The following TRIML1 variants were observed in gnomAD, a reference collection of about 807,000 sequenced individuals.
TRIML1 encodes the protein probable E3 ubiquitin-protein ligase TRIML1.
In TRIML1, 34 loss-of-function variants were observed where a neutral mutation model predicts 32.3. That is an observed-to-expected ratio of 1.05 (90% CI 0.80 to 1.40). The LOEUF is 1.40. TRIML1 is among the 40% of genes most tolerant of loss of function. The pLI is 0.00. For missense variants in TRIML1, 595 were observed against 574.9 expected, an observed-to-expected ratio of 1.03 and a Z score of -0.36; for synonymous variants, 244 against 226.6, an observed-to-expected ratio of 1.08 and a Z score of -0.69.
At chr4:188,137,351 G>A (rs1396781731), upstream of TRIML1, among the ~76,000 whole-genome samples, 2 of 136,586 alleles carry the variant, frequency 1.5e-5, no homozygotes, top group Non-Finnish European at 1.5e-5. Context: ...CTCCCAAGCT[G>A]GAGTGCAGTG....
intron 2 of TRIML1, 32 bp from the exon 3 acceptor site, chr4:188,142,220 G>A (rs1307528795): frequency 1.2e-5 from 13 of 1,074,478 alleles, no homozygotes; most frequent in African/African-American, 2.0e-5. Flanking sequence ...GTGTGTGTGT[G>A]TGTGTGTGTG....
rs764178121 is a variant in TRIML1 at position 188,139,919 on chromosome 4, G to A, written c.361G>A (p.Gly121Ser). The change falls in exon 1 of 6, where the codon GGT becomes AGT. Residue 121 changes from glycine (G) to serine (S), a missense_variant. Physicochemically the swap from Gly to Ser is moderately conservative, Grantham distance 56. Coordinates refer to ENST00000332517, the MANE Select transcript of TRIML1 (RefSeq NM_178556.5). ...GGSAFVAQSHGANRVHLSSEA... is the reference protein window; with the variant it reads ...GGSAFVAQSHSANRVHLSSEA... ...AAGCGCCTTCGTAGCCCAGAGCCAT[G>A]GTGCAAACAGAGTGCATCTCTCCAG... The A allele has an allele frequency of 5.6e-6, 9 of 1,613,528 alleles. No individual in the cohort carries two copies. The East Asian group carries it at 1.8e-4, about 32-fold the overall frequency.
At chr4:188,144,850 A>T (rs1735011128) in intron 5 of TRIML1, among the ~76,000 whole-genome samples, 2 of 152,098 alleles carry the variant, frequency 1.3e-5, no homozygotes, top group African/African-American at 4.8e-5. Context: ...AATGCTCCAG[A>T]TGTTTAGTCC....
chr4:188,143,511 T>G, intron 3 of TRIML1: 1 of 362,624 alleles, frequency 2.8e-6, no homozygotes. Flanking sequence ...CACCAGCCCA[T>G]TTTCCTTTGT....
Position 188,139,742 on chromosome 4 carries a change from G to A in TRIML1, c.184G>A (p.Gly62Ser). 1 of 1,613,914 alleles carries A rather than the reference G, an allele frequency of 6.2e-7. No homozygotes were observed. Among genetic ancestry groups the A allele is most frequent in the Admixed American group, 1.7e-5 (1 of 60,012 alleles). ...SCPECWRTLE[G>S]PHFQSNERLG... Reference sequence around the variant, plus strand: ...TCCTGAGTGCTGGAGGACCTTGGAGGGCCCGCATTTCCAGTCAAACGAGCG... The same window carrying A: ...TCCTGAGTGCTGGAGGACCTTGGAGAGCCCGCATTTCCAGTCAAACGAGCG... Residue 62 changes from glycine (G) to serine (S), a missense_variant, in exon 1 of 6, where the codon GGC becomes AGC. By Grantham distance (56) the Gly-to-Ser change is moderately conservative. Transcript: ENST00000332517.
chr4:188,149,744 G>C (rs1398247613), downstream of TRIML1, among the ~76,000 whole-genome samples: 2 of 152,050 alleles, frequency 1.3e-5, no homozygotes, highest in East Asian at 3.9e-4. Flanking sequence ...ACTTGCAGAG[G>C]GGAGCCCAGC....
Position 188,140,613 on chromosome 4 carries a change from A to C in TRIML1, c.494A>C (p.Lys165Thr). The C allele has an allele frequency of 6.2e-7, 1 of 1,613,428 alleles. No individual in the cohort carries two copies. The highest frequency in any genetic ancestry group is 8.5e-7 in the Non-Finnish European group (1 of 1,179,382). Residue 165 changes from lysine (K) to threonine (T), a missense_variant, in exon 2 of 6, where the codon AAA becomes ACA. Lys to Thr is a moderately conservative substitution (Grantham distance 78). Coordinates refer to ENST00000332517, the MANE Select transcript of TRIML1 (RefSeq NM_178556.5). ...CTAACCCATGAGAAGGAGAGAGTGA[A>C]ACTGTGCCAGGTCGGTGTCTGTCTG... is the stretch of plus-strand genomic sequence containing the variant. ...AVLTHEKERV[K>T]LCQEETKTCK...
intron 5 of TRIML1, among the ~76,000 whole-genome samples, chr4:188,144,622 A>G (rs920975549): frequency 2.0e-5 from 3 of 151,626 alleles, no homozygotes; most frequent in Non-Finnish European, 4.4e-5. Context: ...TCGGCCTCCC[A>G]AAGTGCTGGG....
intron 5 of TRIML1, among the ~76,000 whole-genome samples, chr4:188,144,359 G>A (rs973965039): frequency 2.9e-5 from 3 of 104,482 alleles, no homozygotes; most frequent in Non-Finnish European, 6.6e-5. Context: ...TCTGTCTAAA[G>A]GGTCTTTTTT....
At chr4:188,149,912 C>A (rs1477413359), downstream of TRIML1, among the ~76,000 whole-genome samples, 1 of 152,116 alleles carries the variant, frequency 6.6e-6, no homozygotes, top group Non-Finnish European at 1.5e-5. Context: ...AAACGATTCT[C>A]CTGCCTCAGC....
Position 188,146,852 on chromosome 4 carries a change from A to C in TRIML1, c.887A>C (p.Asn296Thr). The change falls in exon 6 of 6, where the codon AAT (asparagine) becomes ACT (threonine). Residue 296 changes from asparagine (N) to threonine (T), a missense_variant. Transcript: ENST00000332517. ...ATAACGCTGGACCCAGCCACAGCTAATGCCTATCTCGTGTTGTCGGAGGAT... is the reference window on the plus strand; with the variant it reads ...ATAACGCTGGACCCAGCCACAGCTACTGCCTATCTCGTGTTGTCGGAGGAT... ...TEITLDPATA[N>T]AYLVLSEDLK... is the part of the protein sequence containing the mutation. 1 of 1,428,174 alleles carries C rather than the reference A, an allele frequency of 7.0e-7. No individual in the cohort carries two copies. Among genetic ancestry groups the C allele is most frequent in the Non-Finnish European group, 9.2e-7 (1 of 1,087,270 alleles). The allele number at this position is 1,428,174 out of a possible 1,614,324, so 88.5% of individuals were successfully genotyped here. A position where few individuals can be genotyped will look rare whatever the true frequency, so the allele number is the denominator to read the frequency against.
Position 188,147,605 on chromosome 4 carries a change from G to T in TRIML1, c.*233G>T, listed in dbSNP as rs1735140205. ...TCATATTCTGTGTCTTTAAGTAAAT[G>T]TATTCTCTGGGCTACCCCATGTGTG... is the stretch of plus-strand genomic sequence containing the variant. On this transcript the variant is annotated 3_prime_UTR_variant, in exon 6 of 6. Transcript: ENST00000332517. 2 of 376,720 alleles carry T rather than the reference G, an allele frequency of 5.3e-6. No homozygotes were observed. The highest frequency in any genetic ancestry group is 7.8e-5 in the East Asian group (2 of 25,744). The allele number at this position is 376,720 out of a possible 1,614,324, so 23.3% of individuals were successfully genotyped here. A position where few individuals can be genotyped will look rare whatever the true frequency, so the allele number is the denominator to read the frequency against.
At chr4:188,140,817 C>T (rs548642254) in intron 2 of TRIML1, 194 bp downstream of exon 2, 12 of 543,338 alleles carry the variant, frequency 2.2e-5, no homozygotes, top group African/African-American at 1.7e-4. Flanking sequence ...GCAATTCGCC[C>T]CCTCTAGGAG....
rs758221099 is a variant in TRIML1 at position 188,147,012 on chromosome 4, C to A, written c.1047C>A (p.Asn349Lys). The change falls in exon 6 of 6, where the codon AAC becomes AAA. Residue 349 changes from asparagine (N) to lysine (K), a missense_variant. Physicochemically the swap from Asn to Lys is moderately conservative, Grantham distance 94. Transcript: ENST00000332517. ...ACTACTGGGAGGTGGAGGTGGGAAA[C>A]AAGACCGAGTGGGAAGTGGGCATCT... ...GRHYWEVEVG[N>K]KTEWEVGICK... 2 of 1,599,190 alleles carry A rather than the reference C, an allele frequency of 1.3e-6. No individual in the cohort carries two copies. The highest frequency in any genetic ancestry group is 8.5e-7 in the Non-Finnish European group (1 of 1,172,188).
chr4:188,141,253 C>T (rs1249035157), intron 2 of TRIML1, among the ~76,000 whole-genome samples: 1 of 150,088 alleles, frequency 6.7e-6, no homozygotes, highest in Non-Finnish European at 1.5e-5. Flanking sequence ...CTGCAACCTC[C>T]ACCTCCCGGG....
At chr4:188,149,005 C>T (rs1196122482), downstream of TRIML1, among the ~76,000 whole-genome samples, 1 of 148,950 alleles carries the variant, frequency 6.7e-6, no homozygotes, top group Non-Finnish European at 1.5e-5. Flanking sequence ...GTTCTGCCTC[C>T]TGGGTTCACG....
chr4:188,142,026 A>G (rs543481142), intron 2 of TRIML1, among the ~76,000 whole-genome samples: 5 of 151,068 alleles, frequency 3.3e-5, no homozygotes, highest in Admixed American at 2.0e-4. Flanking sequence ...CTGAGGCAGG[A>G]GAATCATTTG....
downstream of TRIML1, among the ~76,000 whole-genome samples, chr4:188,148,122 G>A (rs375670839): frequency 5.3e-5 from 8 of 152,200 alleles, no homozygotes; most frequent in African/African-American, 9.6e-5. Context: ...GGTTCTTTTC[G>A]GTGCTTTTGT....
rs1234777141 is a variant in TRIML1 at position 188,143,850 on chromosome 4, G to C, written c.748G>C (p.Ala250Pro). Residue 250 changes from alanine (A) to proline (P), a missense_variant, in exon 4 of 6, where the codon GCC (alanine) becomes CCC (proline). Physicochemically the swap from Ala to Pro is conservative, Grantham distance 27. Transcript: ENST00000332517. ...AFESLEEVRG[A>P]LERSEPLLLQ... ...TTTTTACCCGTAGGAAGTGAGAGGA[G>C]CCCTGGAAAGGTAGGCTTTCATTCT... 6.2e-7 allele frequency: 1 copy of C among 1,614,162 alleles called. No individual in the cohort carries two copies. The highest frequency in any genetic ancestry group is 1.1e-5 in the South Asian group (1 of 91,080).
Sources: gnomAD v4.1 joint callset for allele counts (sites outside exome capture counted in the v4.1 genomes callset) on GRCh38, gnomAD v4.1.1 for gene constraint, MANE v1.5 for transcripts, NCBI Gene and HGNC (gene_info 2026-07-23, HGNC 2026-07-21) for gene names.